The following PTPRM variants were observed in gnomAD, a reference collection of about 807,000 sequenced individuals.
PTPRM encodes receptor-type tyrosine-protein phosphatase mu.
A neutral mutation model predicts 186.7 loss-of-function variants in PTPRM; 47 were observed. The observed-to-expected ratio is 0.25, with a 90% confidence interval of 0.20 to 0.32. PTPRM has a LOEUF of 0.32. Ranked by LOEUF, PTPRM falls within the 10% of genes least tolerant of loss-of-function variation. The probability of loss-of-function intolerance (pLI) is 1.00; values close to 1 mark genes in which losing one functional copy is unlikely to be tolerated. For missense variants in PTPRM, 1,494 were observed against 1,865.0 expected (o/e 0.80, Z 3.66); for synonymous variants, 668 against 674.9 (o/e 0.99, Z 0.16).
intron 19 of PTPRM, among the ~76,000 whole-genome samples, chr18:8,279,665 TAAC>T (rs1289193728): frequency 6.6e-6 from 1 of 152,204 alleles, no homozygotes; most frequent in Non-Finnish European, 1.5e-5. Context: ...AACTCAGTGA[TAAC>T]AACACCTCTA....
intron 4 of PTPRM, among the ~76,000 whole-genome samples, chr18:7,926,323 T>C (rs889585219): frequency 1.3e-5 from 2 of 152,198 alleles, no homozygotes; most frequent in Non-Finnish European, 2.9e-5. Flanking sequence ...ATAAAATATC[T>C]CCTTTCTGTT....
At chr18:7,717,842 T>A (rs1231672134) in intron 1 of PTPRM, among the ~76,000 whole-genome samples, 1 of 152,120 alleles carries the variant, frequency 6.6e-6, no homozygotes, top group Non-Finnish European at 1.5e-5. Context: ...ACAGCAAGTC[T>A]TGAGTGAGTG....
rs199948042 is a variant in PTPRM at position 8,167,630 on chromosome 18, T to C, written c.2300+23851T>C. 5.9e-5 allele frequency among the ~76,000 whole-genome samples: 9 copies of C among 152,232 alleles called. No individual in the cohort carries two copies. In the East Asian group the frequency reaches 1.7e-3, roughly 29 times the overall value. On this transcript the variant is annotated intron_variant, in intron 14 of 32. Transcript: ENST00000580170. ...GGACTAATGAGGAGTCACTTGCTTG[T>C]GTTCTTGGAAGCATCTGTGGTCCAA... is the stretch of plus-strand genomic sequence containing the variant.
At chr18:8,303,702 C>G (rs905983331) in intron 20 of PTPRM, among the ~76,000 whole-genome samples, 2 of 152,170 alleles carry the variant, frequency 1.3e-5, no homozygotes, top group Non-Finnish European at 2.9e-5. Flanking sequence ...GAAAACAAGG[C>G]AAGACCCACA....
chr18:7,834,845 TTA>T (rs1197659513), intron 2 of PTPRM, among the ~76,000 whole-genome samples: 1 of 151,992 alleles, frequency 6.6e-6, no homozygotes, highest in Non-Finnish European at 1.5e-5. Flanking sequence ...TTGGTAGCTT[TTA>T]TGTGTTTAGG....
At chr18:7,635,131 G>GC (rs1156846092) in intron 1 of PTPRM, among the ~76,000 whole-genome samples, 1 of 151,964 alleles carries the variant, frequency 6.6e-6, no homozygotes, top group Non-Finnish European at 1.5e-5. Flanking sequence ...TTTGCATTGT[G>GC]CCCCCCAAAA....
intron 15 of PTPRM, among the ~76,000 whole-genome samples, chr18:8,245,001 T>G (rs1376905206): frequency 2.0e-5 from 3 of 152,214 alleles, no homozygotes; most frequent in Non-Finnish European, 2.9e-5. Flanking sequence ...GGAATTAAAG[T>G]GCAGCTATTC....
At chr18:8,308,380 G>A (rs2095242597) in intron 20 of PTPRM, among the ~76,000 whole-genome samples, 1 of 152,174 alleles carries the variant, frequency 6.6e-6, no homozygotes, top group Admixed American at 6.5e-5. Flanking sequence ...CTAGCACATG[G>A]TCCAATAGAA....
chr18:8,320,295 A>G (rs1432922296), intron 22 of PTPRM, among the ~76,000 whole-genome samples: 2 of 152,170 alleles, frequency 1.3e-5, no homozygotes, highest in African/African-American at 2.4e-5. Flanking sequence ...ACGAAGGGCA[A>G]TCAGAGGTGT....
chr18:7,883,874 G>A (rs1369575502), intron 2 of PTPRM, among the ~76,000 whole-genome samples: 1 of 152,206 alleles, frequency 6.6e-6, no homozygotes, highest in Admixed American at 6.5e-5. Flanking sequence ...GGGCACAGTG[G>A]CTCACACCTG....
chr18:8,253,436 G>T, intron 19 of PTPRM, 22 bp downstream of exon 19: 1 of 1,405,512 alleles, frequency 7.1e-7, no homozygotes, highest in Non-Finnish European at 9.3e-7. Context: ...CTCTGTGCCA[G>T]GGCTTTCCCA....
At position 7,730,909 on chromosome 18, in the gene PTPRM, T is replaced by G. The variant is rs76298797; in HGVS notation, c.74-43240T>G. ...TCATAATTGCAGAGTGTCACATTGA[T>G]CTGATGGAGATGGATTTAGAACAGT... On this transcript the variant is annotated intron_variant, in intron 1 of 32. Transcript: ENST00000580170. Among the ~76,000 whole-genome samples the G allele has an allele frequency of 7.5e-3, 1,137 of 152,316 alleles. 18 individuals carry two copies. Among genetic ancestry groups the G allele is most frequent in the African/African-American group, 0.026 (1,100 of 41,572 alleles).
chr18:8,370,510 C>T (rs1598472388), intron 23 of PTPRM, among the ~76,000 whole-genome samples: 3 of 152,226 alleles, frequency 2.0e-5, no homozygotes, highest in African/African-American at 7.2e-5. Context: ...AGTTTTCAAT[C>T]ACTTTCTGAA....
chr18:7,848,206 G>A (rs1297792126), intron 2 of PTPRM, among the ~76,000 whole-genome samples: 1 of 152,118 alleles, frequency 6.6e-6, no homozygotes, highest in African/African-American at 2.4e-5. Context: ...CTGCTGGACT[G>A]AAATCATAAT....
At chr18:7,608,529 T>C (rs2037592085) in intron 1 of PTPRM, among the ~76,000 whole-genome samples, 1 of 152,208 alleles carries the variant, frequency 6.6e-6, no homozygotes, top group South Asian at 2.1e-4. Context: ...TTGAGGTCTC[T>C]AAAATGAGAA....
At chr18:7,655,429 A>G (rs1356115473) in intron 1 of PTPRM, among the ~76,000 whole-genome samples, 1 of 152,224 alleles carries the variant, frequency 6.6e-6, no homozygotes. Flanking sequence ...ATGTGGAACA[A>G]GAAGGACCTT....
At chr18:8,398,815 A>G (rs1419234840) in intron 32 of PTPRM, among the ~76,000 whole-genome samples, 1 of 151,782 alleles carries the variant, frequency 6.6e-6, no homozygotes, top group Non-Finnish European at 1.5e-5. Context: ...AAGGCCACAT[A>G]TTCTATGACT....
intron 14 of PTPRM, among the ~76,000 whole-genome samples, chr18:8,175,881 G>C (rs759865342): frequency 2.0e-5 from 3 of 152,190 alleles, no homozygotes; most frequent in Non-Finnish European, 4.4e-5. Flanking sequence ...ATGTAAAGCA[G>C]ATTTATTTAT....
chr18:8,059,128 C>G (rs1394415969), intron 7 of PTPRM, among the ~76,000 whole-genome samples: 2 of 151,498 alleles, frequency 1.3e-5, no homozygotes, highest in Admixed American at 6.6e-5. Flanking sequence ...CTTTTATTTC[C>G]TTGAGTAGCG....
Sources: allele counts gnomAD v4.1 joint callset (sites outside exome capture counted in the v4.1 genomes callset), GRCh38; gene constraint gnomAD v4.1.1; transcripts MANE v1.5; gene names NCBI Gene and HGNC (gene_info 2026-07-23, HGNC 2026-07-21).